TLE4: variants seen among roughly 807,000 people sequenced by gnomAD.
TLE4 encodes the protein transducin-like enhancer protein 4.
TLE4 carries 8 observed loss-of-function variants against 92.8 expected under a neutral mutation model. The ratio of observed to expected loss-of-function variants is 0.09; its 90% CI spans 0.05 to 0.16. TLE4 has a LOEUF of 0.16. TLE4 is among the 10% of genes least tolerant of loss of function. The pLI is 1.00. For synonymous variants in TLE4, 371 were observed against 374.1 expected (o/e 0.99, Z 0.10); for missense variants, 675 against 997.6 (o/e 0.68, Z 4.36).
intron 4 of TLE4, among the ~76,000 whole-genome samples, chr9:79,581,062 C>G (rs1406744456): frequency 6.6e-6 from 1 of 152,110 alleles, no homozygotes; most frequent in Non-Finnish European, 1.5e-5. Flanking sequence ...TATTTACACG[C>G]TGATAATATT....
chr9:79,715,273 C>T (rs1243581739), intron 14 of TLE4, among the ~76,000 whole-genome samples: 3 of 152,116 alleles, frequency 2.0e-5, no homozygotes, highest in East Asian at 3.9e-4. Context: ...TGTATAACAC[C>T]ATCTAAACTT....
At chr9:79,708,860 C>G (rs2072456825) in intron 13 of TLE4, 74 bp downstream of exon 13, 4 of 1,470,970 alleles carry the variant, frequency 2.7e-6, no homozygotes, top group East Asian at 5.0e-5. Context: ...GCGACAGGGT[C>G]TCGCTCTGTC....
At chr9:79,721,492 TC>T (rs571027518) in intron 16 of TLE4, among the ~76,000 whole-genome samples, 2 of 152,290 alleles carry the variant, frequency 1.3e-5, no homozygotes, top group Non-Finnish European at 2.9e-5. Flanking sequence ...ATTAGTAATA[TC>T]AGTCATGTTT....
intron 8 of TLE4, among the ~76,000 whole-genome samples, chr9:79,701,840 A>G: frequency 6.6e-6 from 1 of 152,208 alleles, no homozygotes; most frequent in Non-Finnish European, 1.5e-5. Flanking sequence ...CCTTCTGCTC[A>G]TGATGCTAGG....
At chr9:79,716,083 C>T (rs539222067) in intron 14 of TLE4, among the ~76,000 whole-genome samples, 3 of 152,310 alleles carry the variant, frequency 2.0e-5, no homozygotes, top group Admixed American at 6.5e-5. Flanking sequence ...CATTTGAAGA[C>T]GTTAACTGAA....
chr9:79,655,707 T>G (rs2059685271), intron 8 of TLE4, among the ~76,000 whole-genome samples: 1 of 152,162 alleles, frequency 6.6e-6, no homozygotes, highest in South Asian at 2.1e-4. Context: ...ACTTAGGAAG[T>G]AGTAAGTAAA....
At chr9:79,719,021 A>G (rs1231263476) in intron 15 of TLE4, 50 bp downstream of exon 15, 18 of 1,567,470 alleles carry the variant, frequency 1.1e-5, no homozygotes, top group African/African-American at 2.7e-5. Context: ...AGAAAACAGG[A>G]GGGGCTGATG....
Position 79,573,817 on chromosome 9 carries a change from G to A in TLE4, c.143+31G>A, listed in dbSNP as rs934643851. On this transcript the variant is annotated intron_variant, in intron 2 of 19. Coordinates refer to ENST00000376552, the MANE Select transcript of TLE4 (RefSeq NM_007005.6). ...GATATTGACTTTAGCTGATCCTTCTGTTTGCTTAGCTCTTGTCTCCCCGAC... is the reference window on the plus strand; with the variant it reads ...GATATTGACTTTAGCTGATCCTTCTATTTGCTTAGCTCTTGTCTCCCCGAC... 2.0e-6 allele frequency: 3 copies of A among 1,490,168 alleles called. No individual in the cohort carries two copies. The African/African-American group carries it at 4.1e-5, about 21-fold the overall frequency. The allele number at this position is 1,490,168 out of a possible 1,614,324, so 92.3% of individuals were successfully genotyped here. A position where few individuals can be genotyped will look rare whatever the true frequency, so the allele number is the denominator to read the frequency against.
chr9:79,628,546 G>A (rs907351073), intron 6 of TLE4, among the ~76,000 whole-genome samples: 1 of 151,396 alleles, frequency 6.6e-6, no homozygotes, highest in African/African-American at 2.4e-5. Context: ...TTTTTTAATG[G>A]GGTATTTGGA....
intron 8 of TLE4, among the ~76,000 whole-genome samples, chr9:79,657,551 G>A (rs1331701021): frequency 6.6e-6 from 1 of 152,146 alleles, no homozygotes; most frequent in Non-Finnish European, 1.5e-5. Context: ...ACTTGATGGA[G>A]GTTCCAGTTC....
chr9:79,677,603 T>C (rs1464230397), intron 8 of TLE4, among the ~76,000 whole-genome samples: 1 of 120,944 alleles, frequency 8.3e-6, no homozygotes, highest in Admixed American at 1.0e-4. Context: ...TATAGTTGTT[T>C]CTTCATTTTT....
chr9:79,596,324 C>T (rs1376027817), intron 4 of TLE4, among the ~76,000 whole-genome samples: 1 of 152,132 alleles, frequency 6.6e-6, no homozygotes, highest in African/African-American at 2.4e-5. Context: ...AAATTCACTG[C>T]ATCTAGGGCA....
intron 8 of TLE4, among the ~76,000 whole-genome samples, chr9:79,686,927 G>A (rs1029388972): frequency 1.3e-5 from 2 of 152,178 alleles, no homozygotes; most frequent in African/African-American, 2.4e-5. Context: ...GAGCATCTAC[G>A]TTTAATAAGC....
At chr9:79,650,032 C>G (rs1406981785) in intron 6 of TLE4, among the ~76,000 whole-genome samples, 1 of 151,878 alleles carries the variant, frequency 6.6e-6, no homozygotes, top group African/African-American at 2.4e-5. Flanking sequence ...TCTCCCACCT[C>G]AGCCTCCTGA....
At position 79,725,199 on chromosome 9, in the gene TLE4, A is replaced by C; in HGVS notation, c.*55A>C. On this transcript the variant is annotated 3_prime_UTR_variant, in exon 20 of 20. Transcript: ENST00000376552. The stretch of plus-strand genomic sequence containing the variant: ...CCTCCTGGTAGCACTTTGCTCTGTC[A>C]TCCTTTTTGTTCACCCCCATCCCCG... The C allele has an allele frequency of 7.4e-7, 1 of 1,355,574 alleles. No homozygotes were observed. 84.0% of individuals were successfully genotyped at this position (1,355,574 alleles called of 1,614,324 possible).
chr9:79,657,101 G>C (rs886655802), intron 8 of TLE4, among the ~76,000 whole-genome samples: 11 of 152,130 alleles, frequency 7.2e-5, no homozygotes, highest in Non-Finnish European at 1.6e-4. Context: ...CAGTTTCCTT[G>C]ATGATGAGAA....
intron 6 of TLE4, among the ~76,000 whole-genome samples, chr9:79,643,418 C>A (rs1226392419): frequency 6.6e-6 from 1 of 152,202 alleles, no homozygotes; most frequent in East Asian, 1.9e-4. Flanking sequence ...TCATATTTCT[C>A]CAATTGTCCA....
intron 4 of TLE4, among the ~76,000 whole-genome samples, chr9:79,588,137 T>C (rs977859810): frequency 6.7e-6 from 1 of 148,906 alleles, no homozygotes; most frequent in Non-Finnish European, 1.5e-5. Context: ...TATCCTTGCG[T>C]GTGTGTGTGT....
At chr9:79,665,631 T>A (rs1267432345) in intron 8 of TLE4, among the ~76,000 whole-genome samples, 1 of 152,170 alleles carries the variant, frequency 6.6e-6, no homozygotes, top group Non-Finnish European at 1.5e-5. Flanking sequence ...GTGGCAACGT[T>A]CTGTCGACTC....
Sources: gnomAD v4.1 joint callset for allele counts (sites outside exome capture counted in the v4.1 genomes callset) on GRCh38, gnomAD v4.1.1 for gene constraint, MANE v1.5 for transcripts, NCBI Gene and HGNC (gene_info 2026-07-23, HGNC 2026-07-21) for gene names.